CMSS1: variants seen among roughly 807,000 people sequenced by gnomAD.
The protein encoded by CMSS1 is cms1 ribosomal small subunit homolog, also known as protein CMSS1.
Under a neutral mutation model 43.5 loss-of-function variants are expected in CMSS1, and 33 were observed. The ratio of observed to expected loss-of-function variants is 0.76; its 90% CI spans 0.57 to 1.01. The LOEUF is 1.01. Among genes scored for constraint, CMSS1 ranks in the 50% least tolerant of loss-of-function variants. The pLI is 0.00. For missense variants in CMSS1, 313 were observed against 326.4 expected (o/e 0.96, Z 0.32); for synonymous variants, 115 against 117.2 (o/e 0.98, Z 0.12).
chr3:99,899,700 G>A (rs1213648866), intron 1 of CMSS1, among the ~76,000 whole-genome samples: 1 of 152,166 alleles, frequency 6.6e-6, no homozygotes, highest in East Asian at 1.9e-4. Flanking sequence ...CCTTGATTGT[G>A]ATTCCATTAT....
chr3:100,009,526 A>G (rs985051137), intron 1 of CMSS1, among the ~76,000 whole-genome samples: 13 of 152,006 alleles, frequency 8.6e-5, no homozygotes, highest in Admixed American at 7.9e-4. Context: ...CGTCACCTCC[A>G]CTACACTGAG....
At chr3:100,127,104 G>A (rs1490511807) in intron 1 of CMSS1, among the ~76,000 whole-genome samples, 1 of 152,190 alleles carries the variant, frequency 6.6e-6, no homozygotes, top group Non-Finnish European at 1.5e-5. Flanking sequence ...TTTCAAATCT[G>A]TAAATTGCTG....
chr3:99,898,591 A>C (rs1706334926), intron 1 of CMSS1: 1 of 180,248 alleles, frequency 5.5e-6, no homozygotes, highest in East Asian at 1.8e-4. Flanking sequence ...ACATGGTGAA[A>C]CTCTGTCTCT....
At chr3:100,040,758 G>A (rs2065191309) in intron 1 of CMSS1, 1 of 152,178 alleles carries the variant, frequency 6.6e-6, no homozygotes, top group Non-Finnish European at 1.5e-5. Context: ...GTGGTGCTGG[G>A]AGCCATGTGG....
chr3:99,865,644 G>A (rs1944475704), intron 1 of CMSS1, among the ~76,000 whole-genome samples: 1 of 152,018 alleles, frequency 6.6e-6, no homozygotes, highest in Non-Finnish European at 1.5e-5. Context: ...CAGAGGTGGT[G>A]GGTTTGTCAT....
chr3:99,904,569 C>T (rs935517079), intron 1 of CMSS1, among the ~76,000 whole-genome samples: 3 of 152,172 alleles, frequency 2.0e-5, no homozygotes, highest in Admixed American at 6.5e-5. Context: ...TTATTTCAAA[C>T]ATAGTAAGCC....
rs9825784 is a variant in CMSS1, at chr3:99,844,727, C to A, written c.64+26684C>A. Among the ~76,000 whole-genome samples the A allele has an allele frequency of 3.2e-3, 483 of 152,300 alleles. 2 individuals are homozygous for A. The highest frequency in any genetic ancestry group is 0.011 in the African/African-American group (450 of 41,552). On this transcript the variant is annotated intron_variant, in intron 1 of 9. Coordinates refer to ENST00000421999, the MANE Select transcript of CMSS1 (RefSeq NM_032359.4). ...TATGTGGTTTAGCTCTGTGTCCTCA[C>A]CCAAATCTCCTAACTGAAATCCCCG...
At chr3:99,980,755 G>C (rs1019679205) in intron 1 of CMSS1, among the ~76,000 whole-genome samples, 2 of 152,122 alleles carry the variant, frequency 1.3e-5, no homozygotes, top group Admixed American at 6.5e-5. Context: ...TATCCGTTCT[G>C]CATTATTATT....
rs35951604 is a variant in CMSS1, at chr3:100,117,750, C to CT, written c.65-29212dup. ...GGATAAATTGGGTAAAACAGATACA[C>CT]TTTTTTTTTTTACCATCACAATAGC... On this transcript the variant is annotated intron_variant, in intron 1 of 9. Transcript: ENST00000421999. 4.8e-3 allele frequency among the ~76,000 whole-genome samples: 654 copies of CT among 137,352 alleles called. 6 individuals are homozygous for CT. The highest frequency in any genetic ancestry group is 0.015 in the African/African-American group (575 of 37,380). 90.1% of individuals were successfully genotyped at this position (137,352 alleles called of 152,430 possible).
At chr3:99,950,057 G>T (rs1036979133) in intron 1 of CMSS1, among the ~76,000 whole-genome samples, 3 of 152,080 alleles carry the variant, frequency 2.0e-5, no homozygotes, top group Non-Finnish European at 2.9e-5. Context: ...AGGAGGATTG[G>T]GGACAAGGTC....
intron 1 of CMSS1, among the ~76,000 whole-genome samples, chr3:99,826,070 C>T (rs1384601243): frequency 1.3e-5 from 2 of 152,122 alleles, no homozygotes; most frequent in African/African-American, 2.4e-5. Context: ...AGCCACGGAG[C>T]CCGGCCCAGC....
At chr3:99,907,399 C>A (rs1301970054) in intron 1 of CMSS1, among the ~76,000 whole-genome samples, 4 of 152,132 alleles carry the variant, frequency 2.6e-5, no homozygotes, top group Admixed American at 2.6e-4. Context: ...AGGCGCCCAC[C>A]ACCACGCCCA....
At chr3:100,079,141 C>T (rs762864776) in intron 1 of CMSS1, among the ~76,000 whole-genome samples, 24 of 152,148 alleles carry the variant, frequency 1.6e-4, no homozygotes, top group Non-Finnish European at 2.9e-4. Context: ...GTCCTCTCAG[C>T]GTTAGCAGTC....
At chr3:99,937,247 T>C (rs1707708187) in intron 1 of CMSS1, among the ~76,000 whole-genome samples, 1 of 152,188 alleles carries the variant, frequency 6.6e-6, no homozygotes, top group South Asian at 2.1e-4. Context: ...CTAGCTTATT[T>C]TCATATGTGG....
chr3:99,886,187 G>A (rs892261563), intron 1 of CMSS1, among the ~76,000 whole-genome samples: 4 of 152,116 alleles, frequency 2.6e-5, no homozygotes, highest in Admixed American at 1.3e-4. Context: ...GAGGTATTCA[G>A]CAACTATTTG....
At chr3:99,952,010 T>G (rs1181520529) in intron 1 of CMSS1, among the ~76,000 whole-genome samples, 1 of 152,174 alleles carries the variant, frequency 6.6e-6, no homozygotes, top group Non-Finnish European at 1.5e-5. Flanking sequence ...TAGTTGAAAT[T>G]TATTTTAAAA....
chr3:99,837,561 T>A (rs1226008822), intron 1 of CMSS1, among the ~76,000 whole-genome samples: 1 of 152,170 alleles, frequency 6.6e-6, no homozygotes, highest in African/African-American at 2.4e-5. Context: ...AGGGGAGACA[T>A]AGGAGCCAAC....
intron 1 of CMSS1, among the ~76,000 whole-genome samples, chr3:100,064,951 AC>A (rs1383135701): frequency 2.0e-5 from 3 of 152,198 alleles, no homozygotes; most frequent in Non-Finnish European, 4.4e-5. Context: ...ATGTATATCT[AC>A]TAACATATGT....
intron 1 of CMSS1, among the ~76,000 whole-genome samples, chr3:100,117,830 T>C (rs1559763255): frequency 1.1e-5 from 1 of 87,772 alleles, no homozygotes; most frequent in African/African-American, 5.3e-5. Flanking sequence ...CTGCAGTATA[T>C]ATATATATAT....
Sources: allele counts gnomAD v4.1 joint callset (sites outside exome capture counted in the v4.1 genomes callset), GRCh38; gene constraint gnomAD v4.1.1; transcripts MANE v1.5; gene names NCBI Gene and HGNC (gene_info 2026-07-23, HGNC 2026-07-21).